The following CSMD1 variants were observed in gnomAD, a reference collection of about 807,000 sequenced individuals.
CSMD1 encodes the protein CUB and Sushi multiple domains 1, also known as CUB and sushi domain-containing protein 1.
CSMD1 carries 213 observed loss-of-function variants against 417.5 expected under a neutral mutation model. That is an observed-to-expected ratio of 0.51 (90% confidence interval 0.46 to 0.57). The LOEUF is 0.57. Among genes scored for constraint, CSMD1 ranks in the 20% least tolerant of loss-of-function variants. CSMD1 has a pLI of 0.00. For synonymous variants in CSMD1, 2,862 were observed against 1,736.8 expected, an observed-to-expected ratio of 1.65 and a Z score of -16.11; for missense variants, 6,923 against 4,529.7, an observed-to-expected ratio of 1.53 and a Z score of -15.17.
intron 6 of CSMD1, among the ~76,000 whole-genome samples, chr8:3,748,609 G>A (rs1255741364): frequency 1.3e-5 from 2 of 152,188 alleles, no homozygotes; most frequent in Non-Finnish European, 2.9e-5. Flanking sequence ...CAGAATCCAG[G>A]TATACTCCTA....
At chr8:3,660,718 A>C (rs1444280790) in intron 7 of CSMD1, among the ~76,000 whole-genome samples, 1 of 140,990 alleles carries the variant, frequency 7.1e-6, no homozygotes, top group African/African-American at 2.5e-5. Flanking sequence ...ACAGGGTTTC[A>C]CCATGTTGGT....
chr8:3,663,140 G>A lies in CSMD1; in HGVS notation c.1009+45274C>T, dbSNP rs1485423580. On this transcript the variant is annotated intron_variant, in intron 7 of 69. Coordinates refer to ENST00000635120, the MANE Select transcript of CSMD1 (RefSeq NM_033225.6). ...AGCAGTGGGGGCCTCAGGAGAGGCC[G>A]ACAAAGAAAAGGTTAGGAAGAAAGG... 1.2e-4 allele frequency among the ~76,000 whole-genome samples: 19 copies of A among 152,198 alleles called. No homozygotes were observed. The South Asian group carries it at 2.7e-3, about 22-fold the overall frequency.
chr8:3,567,583 G>A (rs1392066624), intron 10 of CSMD1, among the ~76,000 whole-genome samples: 2 of 151,728 alleles, frequency 1.3e-5, no homozygotes, highest in Admixed American at 6.6e-5. Flanking sequence ...GAAGGGAAAG[G>A]AAGGAAAGGG....
At chr8:3,603,726 C>A (rs2449171) in intron 8 of CSMD1, among the ~76,000 whole-genome samples, 63,367 of 151,910 alleles carry the variant, frequency 0.42, 14,786 homozygotes, top group Non-Finnish European at 0.55. Flanking sequence ...TCTTAAAAAA[C>A]CCCCTGATAT....
chr8:3,368,113 A>C (rs1033688188), intron 19 of CSMD1, among the ~76,000 whole-genome samples: 2 of 152,136 alleles, frequency 1.3e-5, no homozygotes, highest in Non-Finnish European at 2.9e-5. Context: ...TTCTAATAAA[A>C]ATGTGTATTT....
At chr8:4,279,899 G>C (rs1443982626) in intron 3 of CSMD1, among the ~76,000 whole-genome samples, 1 of 152,180 alleles carries the variant, frequency 6.6e-6, no homozygotes, top group Non-Finnish European at 1.5e-5. Context: ...TCAAAAGCTT[G>C]TGTTCTATAC....
At position 3,572,507 on chromosome 8, in the gene CSMD1, A is replaced by G. The variant is rs151309665; in HGVS notation, c.1344+2438T>C. On this transcript the variant is annotated intron_variant, in intron 10 of 69. Transcript: ENST00000635120. ...AATCTCCACTTTCACACACTTTTAA[A>G]ATTTGTGATAGATTCATGCAATTCT... 2.0e-4 allele frequency among the ~76,000 whole-genome samples: 31 copies of G among 152,280 alleles called. No homozygotes were observed. In the East Asian group the frequency reaches 6.0e-3, roughly 29 times the overall value.
rs551856668 is a variant in CSMD1, at chr8:4,850,574, G to A, written c.85+143758C>T. ...CAGCACTCTCTCCCAGGACTTCAGC[G>A]AAGTAGAAATCCTTCATCCTCTCTT... On this transcript the variant is annotated intron_variant, in intron 1 of 69. Transcript: ENST00000635120. 7.2e-5 allele frequency among the ~76,000 whole-genome samples: 11 copies of A among 152,048 alleles called. No individual in the cohort carries two copies. The South Asian group carries it at 1.0e-3, about 14-fold the overall frequency.
At chr8:4,156,543 T>G (rs895859638) in intron 3 of CSMD1, among the ~76,000 whole-genome samples, 1 of 152,080 alleles carries the variant, frequency 6.6e-6, no homozygotes, top group African/African-American at 2.4e-5. Context: ...ACTTACTAAA[T>G]TCAAATTCTA....
At chr8:4,025,693 T>G (rs1315348357) in intron 4 of CSMD1, among the ~76,000 whole-genome samples, 1 of 152,132 alleles carries the variant, frequency 6.6e-6, no homozygotes, top group East Asian at 1.9e-4. Context: ...GAATAACGAA[T>G]AGTTGAAAGA....
chr8:4,032,134 G>T (rs762796596), intron 3 of CSMD1, 35 bp from the exon 4 acceptor site: 2 of 1,536,438 alleles, frequency 1.3e-6, no homozygotes, highest in East Asian at 2.3e-5. Context: ...GAAAAAACAA[G>T]TTAAATTTTC....
chr8:4,254,153 G>C (rs1432768465), intron 3 of CSMD1, among the ~76,000 whole-genome samples: 1 of 151,878 alleles, frequency 6.6e-6, no homozygotes, highest in African/African-American at 2.4e-5. Context: ...TCCTGACCTG[G>C]TGATCCACCC....
intron 49 of CSMD1, among the ~76,000 whole-genome samples, chr8:3,082,347 T>C (rs896167458): frequency 6.6e-6 from 1 of 152,190 alleles, no homozygotes; most frequent in African/African-American, 2.4e-5. Flanking sequence ...AACTTGCAGC[T>C]GAGATTTCCT....
intron 1 of CSMD1, among the ~76,000 whole-genome samples, chr8:4,877,250 G>C (rs191837548): frequency 6.6e-6 from 1 of 151,992 alleles, no homozygotes; most frequent in Admixed American, 6.6e-5. Context: ...ATGTACATAA[G>C]AAGATCCCAA....
intron 3 of CSMD1, among the ~76,000 whole-genome samples, chr8:4,225,539 T>G (rs1321004207): frequency 1.3e-5 from 2 of 152,096 alleles, no homozygotes; most frequent in African/African-American, 4.8e-5. Context: ...TGCCTCTATT[T>G]TTTCTTCTTC....
chr8:3,183,715 A>T (rs1821574617), intron 36 of CSMD1, among the ~76,000 whole-genome samples: 1 of 152,194 alleles, frequency 6.6e-6, no homozygotes, highest in South Asian at 2.1e-4. Context: ...TCTTAATACC[A>T]TTGGCATCCA....
chr8:4,538,011 A>G (rs1448715360), intron 2 of CSMD1, among the ~76,000 whole-genome samples: 2 of 152,202 alleles, frequency 1.3e-5, no homozygotes. Context: ...CATGGTTTTC[A>G]TCTGAATCAC....
chr8:3,866,775 C>G (rs965160968), intron 5 of CSMD1, among the ~76,000 whole-genome samples: 1 of 152,180 alleles, frequency 6.6e-6, no homozygotes, highest in Admixed American at 6.6e-5. Flanking sequence ...AAAGTGAGGA[C>G]TCTTTCCTTC....
At chr8:3,936,807 A>T (rs369440347) in intron 5 of CSMD1, among the ~76,000 whole-genome samples, 18 of 152,306 alleles carry the variant, frequency 1.2e-4, no homozygotes, top group African/African-American at 3.6e-4. Flanking sequence ...TTTAAGAAAT[A>T]TGTTTCATAA....
Sources: gnomAD v4.1 joint callset for allele counts (sites outside exome capture counted in the v4.1 genomes callset) on GRCh38, gnomAD v4.1.1 for gene constraint, MANE v1.5 for transcripts, NCBI Gene and HGNC (gene_info 2026-07-23, HGNC 2026-07-21) for gene names.